Variants in CIP2A observed in about 807,000 individuals in gnomAD.
CIP2A encodes cellular inhibitor of PP2A.
A neutral mutation model predicts 110.9 loss-of-function variants in CIP2A; 103 were observed. That is an observed-to-expected ratio of 0.93 (90% CI 0.79 to 1.09). The LOEUF is 1.09. Ranked by LOEUF, CIP2A falls within the 50% of genes least tolerant of loss-of-function variation. The pLI is 0.00. For synonymous variants in CIP2A, 381 were observed against 361.6 expected, an observed-to-expected ratio of 1.05 and a Z score of -0.61; for missense variants, 1,088 against 1,038.4, an observed-to-expected ratio of 1.05 and a Z score of -0.66.
At chr3:108,571,731 C>G (rs1938407896) in intron 8 of CIP2A, among the ~76,000 whole-genome samples, 1 of 152,108 alleles carries the variant, frequency 6.6e-6, no homozygotes, top group Admixed American at 6.6e-5. Flanking sequence ...AGGAGCAGTA[C>G]TACATTTTGT....
chr3:108,579,289 A>AT lies in CIP2A; in HGVS notation c.809dup (p.Tyr270Ter). 6.2e-7 allele frequency: 1 copy of AT among 1,609,204 alleles called. No homozygotes were observed. The highest frequency in any genetic ancestry group is 8.5e-7 in the Non-Finnish European group (1 of 1,176,952). ...DLLKNPKIAD[Y>*]LTRYEHFSSC... is the part of the protein sequence containing the mutation. ...ACTGAAGTGAGTCATACCTGGTGAG[A>AT]TAATCAGCAATTTTAGGATTCTTAA... The change falls in exon 7 of 21, where the codon TAT becomes TAAT. Residue 270 changes from tyrosine to a stop codon, truncating the protein, a stop_gained and frameshift_variant. Transcript: ENST00000295746. LOFTEE classifies it high-confidence loss of function.
intron 1 of CIP2A, 130 bp downstream of exon 1, chr3:108,589,144 C>A: frequency 1.5e-6 from 1 of 669,014 alleles, no homozygotes; most frequent in Admixed American, 2.6e-5. Flanking sequence ...TTTACCAGTA[C>A]GAAAAGACAA....
intron 2 of CIP2A, among the ~76,000 whole-genome samples, chr3:108,584,127 C>T (rs1464656278): frequency 1.3e-5 from 2 of 152,050 alleles, no homozygotes; most frequent in African/African-American, 4.8e-5. Context: ...AATATTTGAG[C>T]AAAATTACAT....
chr3:108,553,693 T>C lies in CIP2A; in HGVS notation c.2362A>G (p.Lys788Glu), dbSNP rs1396267387. The change falls in exon 19 of 21, where the codon AAA (lysine) becomes GAA (glutamate). Residue 788 changes from lysine to glutamate, a missense_variant. Transcript: ENST00000295746. ...AQLIEKEEQR[K>E]EVQNQLVDRE... ...TCTACTAGCTGATTCTGTACTTCTT[T>C]TCTCTGTTCTTCTTTCTCTATTAAT... 6.7e-7 allele frequency: 1 copy of C among 1,499,558 alleles called. No homozygotes were observed. Among genetic ancestry groups the C allele is most frequent in the South Asian group, 1.1e-5 (1 of 88,638 alleles). 92.9% of individuals were successfully genotyped at this position (1,499,558 alleles called of 1,614,324 possible). A position where few individuals can be genotyped will look rare whatever the true frequency, so the allele number is the denominator to read the frequency against.
chr3:108,557,095 A>T, intron 17 of CIP2A, 123 bp downstream of exon 17: 1 of 535,744 alleles, frequency 1.9e-6, no homozygotes, highest in Non-Finnish European at 3.3e-6. Flanking sequence ...CTTGCTAATT[A>T]CTTACCTCAT....
intron 16 of CIP2A, 50 bp from the exon 17 acceptor site, chr3:108,557,464 G>T: frequency 3.7e-6 from 5 of 1,336,636 alleles, no homozygotes; most frequent in Non-Finnish European, 4.1e-6. Flanking sequence ...TATATCATAT[G>T]CTCAACACAT....
chr3:108,587,445 C>T (rs530246601), intron 1 of CIP2A, among the ~76,000 whole-genome samples: 1 of 152,140 alleles, frequency 6.6e-6, no homozygotes, highest in Non-Finnish European at 1.5e-5. Context: ...AGTCTACTTA[C>T]CCAAACCTTA....
chr3:108,585,290 G>A (rs1939008658), intron 1 of CIP2A, 78 bp from the exon 2 acceptor site: 1 of 1,366,178 alleles, frequency 7.3e-7, no homozygotes, highest in Admixed American at 2.3e-5. Context: ...AAAAAACTCA[G>A]TTCCCTCAAA....
At chr3:108,579,228 A>C in intron 7 of CIP2A, 53 bp downstream of exon 7, 1 of 1,332,724 alleles carries the variant, frequency 7.5e-7, no homozygotes, top group Non-Finnish European at 1.1e-6. Context: ...TATAACCAAC[A>C]CATCTTGGTT....
In CIP2A at chr3:108,559,968, G is replaced by T; in HGVS notation, c.1888C>A (p.Leu630Ile). 1 of 1,597,644 alleles carries T rather than the reference G, an allele frequency of 6.3e-7. No individual in the cohort carries two copies. The highest frequency in any genetic ancestry group is 8.6e-7 in the Non-Finnish European group (1 of 1,166,570). The change falls in exon 15 of 21, where the codon CTA (leucine) becomes ATA (isoleucine). Residue 630 changes from leucine (L) to isoleucine (I), a missense_variant. Physicochemically the swap from Leu to Ile is conservative, Grantham distance 5 (BLOSUM62 2). Transcript: ENST00000295746. ...CTTATACTCACAGCTAATGTGGATA[G>T]TTTCATTTCATATACATCCATTATG... ...SDIMDVYEMKLSTLASKESRL... is the reference protein window; with the variant it reads ...SDIMDVYEMKISTLASKESRL...
rs771245550 is a variant in CIP2A at position 108,565,448 on chromosome 3, A to G, written c.1422T>C (p.Leu474=). 1 of 1,573,648 alleles carries G rather than the reference A, an allele frequency of 6.4e-7. No homozygotes were observed. The highest frequency in any genetic ancestry group is 8.7e-7 in the Non-Finnish European group (1 of 1,152,606). The stretch of plus-strand genomic sequence containing the variant: ...GAGTTTTCAAAATTACATCAGCAGC[A>G]AGTTTGCTTTAAAGATAAATCACAT... ...TKVADSELCK[L]AADVILKTLD... is the part of the protein sequence containing the mutation. The change falls in exon 12 of 21, where the codon CTT becomes CTC. Residue 474 remains leucine, a synonymous_variant. Transcript: ENST00000295746.
At chr3:108,557,070 C>T (rs891551747) in intron 17 of CIP2A, 148 bp downstream of exon 17, 10 of 479,298 alleles carry the variant, frequency 2.1e-5, no homozygotes, top group Admixed American at 1.0e-4. Flanking sequence ...CTTCATTTCA[C>T]AATGACTTAA....
intron 13 of CIP2A, among the ~76,000 whole-genome samples, chr3:108,561,601 C>T (rs761117421): frequency 2.0e-5 from 3 of 151,962 alleles, no homozygotes; most frequent in South Asian, 2.1e-4. Flanking sequence ...CCCCAGAGGT[C>T]GAAGCTGCAG....
chr3:108,553,426 C>A (rs1455671110), intron 19 of CIP2A, among the ~76,000 whole-genome samples: 1 of 151,862 alleles, frequency 6.6e-6, no homozygotes, highest in East Asian at 1.9e-4. Flanking sequence ...CTGTGCCTGG[C>A]CAATTTCTTA....
In CIP2A at chr3:108,581,406, A is replaced by C. The variant is rs372634208; in HGVS notation, c.549+9T>G. 6.3e-7 allele frequency: 1 copy of C among 1,576,384 alleles called. No individual in the cohort carries two copies. Among genetic ancestry groups the C allele is most frequent in the African/African-American group, 1.4e-5 (1 of 74,060 alleles). ...AACAAGAAACATTAAAAAGAAATAAACTTCTTACCAATGTCTTTATGTGCG... is the reference window on the plus strand; with the variant it reads ...AACAAGAAACATTAAAAAGAAATAACCTTCTTACCAATGTCTTTATGTGCG... On this transcript the variant is annotated intron_variant, in intron 5 of 20. Transcript: ENST00000295746.
chr3:108,579,768 G>A (rs1203781029), intron 5 of CIP2A, 80 bp from the exon 6 acceptor site: 2 of 764,068 alleles, frequency 2.6e-6, no homozygotes, highest in Admixed American at 3.8e-5. Context: ...TGCACAGAGT[G>A]GGCAAACTTT....
chr3:108,556,053 C>T (rs751454664), intron 17 of CIP2A, among the ~76,000 whole-genome samples: 1 of 152,176 alleles, frequency 6.6e-6, no homozygotes, highest in African/African-American at 2.4e-5. Context: ...ATTTTCTTCA[C>T]TGCTGACGTT....
At chr3:108,578,541 G>A (rs565306176) in intron 7 of CIP2A, among the ~76,000 whole-genome samples, 1 of 152,144 alleles carries the variant, frequency 6.6e-6, no homozygotes, top group Non-Finnish European at 1.5e-5. Flanking sequence ...TAAACATCAG[G>A]GACTGTGTCT....
Position 108,582,917 on chromosome 3 carries a change from A to G in CIP2A, c.357+60T>C, listed in dbSNP as rs1938928601. On this transcript the variant is annotated intron_variant, in intron 3 of 20. Transcript: ENST00000295746. ...ACTGTAAGTCAGCAGTTTATGACAG[A>G]AACTATCAATTTTGATCTGACAGTA... 2.0e-5 allele frequency: 20 copies of G among 1,003,402 alleles called. No individual in the cohort carries two copies. In the Admixed American group the frequency reaches 4.0e-4, roughly 20 times the overall value. 62.2% of individuals were successfully genotyped at this position (1,003,402 alleles called of 1,614,324 possible).
Sources: allele counts gnomAD v4.1 joint callset (sites outside exome capture counted in the v4.1 genomes callset), GRCh38; gene constraint gnomAD v4.1.1; transcripts MANE v1.5; gene names NCBI Gene and HGNC (gene_info 2026-07-23, HGNC 2026-07-21).